Variants in BMPR2 observed in about 807,000 individuals in gnomAD.
BMPR2 encodes the protein bone morphogenetic protein receptor type-2.
A neutral mutation model predicts 100.8 loss-of-function variants in BMPR2; 29 were observed. The ratio of observed to expected loss-of-function variants is 0.29; its 90% CI spans 0.21 to 0.39. The LOEUF (loss-of-function observed/expected upper bound fraction) is 0.39. Among genes scored for constraint, BMPR2 ranks in the 10% least tolerant of loss-of-function variants. BMPR2 has a pLI of 1.00. For synonymous variants in BMPR2, 382 were observed against 442.3 expected (o/e 0.86, Z 1.71); for missense variants, 1,011 against 1,274.5 (o/e 0.79, Z 3.15).
intron 1 of BMPR2, among the ~76,000 whole-genome samples, chr2:202,452,423 T>C (rs1307630891): frequency 6.6e-6 from 1 of 152,212 alleles, no homozygotes; most frequent in Non-Finnish European, 1.5e-5. Context: ...ATTGCTATTG[T>C]ATGAGTTTTT....
intron 3 of BMPR2, among the ~76,000 whole-genome samples, 180 bp from the exon 4 acceptor site, chr2:202,513,539 T>TA (rs1317757002): frequency 6.6e-6 from 1 of 152,204 alleles, no homozygotes; most frequent in Non-Finnish European, 1.5e-5. Flanking sequence ...TCTGTATGAT[T>TA]AAAAAATATA....
chr2:202,526,929 T>C (rs911910469), intron 7 of BMPR2, among the ~76,000 whole-genome samples: 2 of 152,156 alleles, frequency 1.3e-5, no homozygotes, highest in Non-Finnish European at 2.9e-5. Flanking sequence ...AATGGCATAA[T>C]GTTGGCTCAC....
chr2:202,430,915 C>T lies in BMPR2; in HGVS notation c.77-33894C>T, dbSNP rs947470676. ...CGGAGGTTGCAGTGAGCTGAGATCA[C>T]GCCATTGCACTCCAGTCTGGGCAAC... On this transcript the variant is annotated intron_variant, in intron 1 of 12. Coordinates refer to ENST00000374580, the MANE Select transcript of BMPR2 (RefSeq NM_001204.7). Among the ~76,000 whole-genome samples, 15 of 149,036 alleles carry T rather than the reference C, an allele frequency of 1.0e-4. 2 individuals carry two copies. The highest frequency in any genetic ancestry group is 3.3e-4 in the African/African-American group (13 of 38,876).
intron 10 of BMPR2, among the ~76,000 whole-genome samples, chr2:202,544,715 C>G (rs1382645280): frequency 2.0e-5 from 3 of 148,300 alleles, no homozygotes; most frequent in Admixed American, 2.0e-4. Flanking sequence ...TTTGAAAATT[C>G]AAAAGTTTCT....
chr2:202,551,013 A>G (rs1688468047), intron 10 of BMPR2, among the ~76,000 whole-genome samples: 1 of 130,420 alleles, frequency 7.7e-6, no homozygotes, highest in Non-Finnish European at 1.5e-5. Flanking sequence ...CTGGAGTGCA[A>G]TGGCGCGATC....
chr2:202,416,655 A>G (rs1029140354), intron 1 of BMPR2, among the ~76,000 whole-genome samples: 1 of 149,720 alleles, frequency 6.7e-6, no homozygotes, highest in South Asian at 2.1e-4. Flanking sequence ...CTATGTCTTG[A>G]CCTCGTGATC....
At chr2:202,557,042 C>T (rs1056690045) in intron 12 of BMPR2, among the ~76,000 whole-genome samples, 1 of 149,684 alleles carries the variant, frequency 6.7e-6, no homozygotes, top group African/African-American at 2.5e-5. Context: ...ATAAAATAAA[C>T]CATTTGGGCC....
intron 1 of BMPR2, among the ~76,000 whole-genome samples, chr2:202,393,772 G>A (rs559377283): frequency 4.3e-4 from 66 of 152,196 alleles, no homozygotes; most frequent in Non-Finnish European, 8.1e-4. Context: ...TCACCTGTAA[G>A]TTAGGTGAGC....
chr2:202,435,372 A>AAT (rs1553500523), intron 1 of BMPR2, among the ~76,000 whole-genome samples: 3 of 59,968 alleles, frequency 5.0e-5, no homozygotes, highest in African/African-American at 7.5e-5. Context: ...TCAAAAAAAA[A>AAT]ATACATATAT....
At chr2:202,552,465 A>T (rs1013202057) in intron 10 of BMPR2, among the ~76,000 whole-genome samples, 3 of 152,254 alleles carry the variant, frequency 2.0e-5, no homozygotes, top group African/African-American at 7.2e-5. Context: ...TTGAAGAAAC[A>T]TCTACGACTT....
intron 10 of BMPR2, among the ~76,000 whole-genome samples, chr2:202,550,502 G>A (rs1198911147): frequency 6.6e-6 from 1 of 151,972 alleles, no homozygotes; most frequent in African/African-American, 2.4e-5. Context: ...ACAGGCATGA[G>A]CCACCATGCC....
intron 1 of BMPR2, among the ~76,000 whole-genome samples, chr2:202,458,008 G>A (rs1692154210): frequency 6.6e-6 from 1 of 152,060 alleles, no homozygotes; most frequent in South Asian, 2.1e-4. Context: ...TGGGATTACA[G>A]GTGTGAGCCA....
At chr2:202,421,250 C>T (rs1407185185) in intron 1 of BMPR2, among the ~76,000 whole-genome samples, 1 of 125,176 alleles carries the variant, frequency 8.0e-6, no homozygotes, top group Admixed American at 9.1e-5. Context: ...GACTTCATCT[C>T]AAAAAAAGGG....
chr2:202,472,229 A>G (rs1222638373), intron 3 of BMPR2, among the ~76,000 whole-genome samples: 1 of 152,222 alleles, frequency 6.6e-6, no homozygotes, highest in African/African-American at 2.4e-5. Flanking sequence ...AGCAATAGGA[A>G]ATTTTCTTTA....
chr2:202,407,502 G>A (rs1468865953), intron 1 of BMPR2, among the ~76,000 whole-genome samples: 2 of 151,954 alleles, frequency 1.3e-5, no homozygotes. Context: ...GCTGGGCGTG[G>A]TCGCTCACGC....
At chr2:202,385,396 C>G (rs1220071050) in intron 1 of BMPR2, among the ~76,000 whole-genome samples, 1 of 115,988 alleles carries the variant, frequency 8.6e-6, no homozygotes, top group Admixed American at 1.1e-4. Flanking sequence ...GACGGAGTCT[C>G]GCTTTGTTGC....
In BMPR2 at chr2:202,515,526, G is replaced by A. The variant is rs570555294; in HGVS notation, c.621+547G>A. On this transcript the variant is annotated intron_variant, in intron 5 of 12. Transcript: ENST00000374580. ...GCAGAGGTTGCGGTGAGCCGAGATC[G>A]CACCATTGCACTCTAGCCTGGGCAA... Among the ~76,000 whole-genome samples the A allele has an allele frequency of 2.2e-3, 328 of 148,314 alleles. 1 individual carries two copies. Among genetic ancestry groups the A allele is most frequent in the Non-Finnish European group, 3.8e-3 (255 of 67,300 alleles).
chr2:202,469,734 C>A (rs202023064), intron 3 of BMPR2, among the ~76,000 whole-genome samples: 1 of 152,070 alleles, frequency 6.6e-6, no homozygotes, highest in African/African-American at 2.4e-5. Context: ...CCGCCCACCT[C>A]GGCCTCCCAA....
At chr2:202,477,001 A>T (rs2105970175) in intron 3 of BMPR2, among the ~76,000 whole-genome samples, 1 of 151,626 alleles carries the variant, frequency 6.6e-6, no homozygotes. Context: ...GTTTCACTTG[A>T]TTGTTTGGAA....
Sources: allele counts gnomAD v4.1 joint callset (sites outside exome capture counted in the v4.1 genomes callset), GRCh38; gene constraint gnomAD v4.1.1; transcripts MANE v1.5; gene names NCBI Gene and HGNC (gene_info 2026-07-23, HGNC 2026-07-21).